DOCK1: variants seen among roughly 807,000 people sequenced by gnomAD.
The protein encoded by DOCK1 is dedicator of cytokinesis 1, also known as dedicator of cytokinesis protein 1.
In DOCK1, 138 loss-of-function variants were observed where a neutral mutation model predicts 262.7. That is an observed-to-expected ratio of 0.53 (90% CI 0.46 to 0.61). DOCK1 has a LOEUF of 0.61. DOCK1 is among the 20% of genes least tolerant of loss of function. The pLI, the probability that DOCK1 is intolerant of heterozygous loss-of-function variation, is 0.00. For missense variants in DOCK1, 1,908 were observed against 2,370.7 expected (o/e 0.80, Z 4.05); for synonymous variants, 866 against 867.4 (o/e 1.00, Z 0.03).
intron 27 of DOCK1, among the ~76,000 whole-genome samples, chr10:127,157,127 A>C (rs2053161593): frequency 6.6e-6 from 1 of 152,184 alleles, no homozygotes; most frequent in African/African-American, 2.4e-5. Flanking sequence ...GATACTGCTG[A>C]GTGTTAAGGA....
chr10:127,191,785 G>A (rs2056774604), intron 27 of DOCK1, among the ~76,000 whole-genome samples: 1 of 152,184 alleles, frequency 6.6e-6, no homozygotes, highest in South Asian at 2.1e-4. Context: ...CCATCAGCCT[G>A]TGCTTTTTCC....
intron 31 of DOCK1, among the ~76,000 whole-genome samples, chr10:127,354,334 A>G (rs528400552): frequency 3.3e-5 from 5 of 152,306 alleles, no homozygotes; most frequent in African/African-American, 1.2e-4. Flanking sequence ...TGCAGTGCCT[A>G]GACGCTAACG....
At chr10:127,110,849 G>A (rs2048823383) in intron 25 of DOCK1, among the ~76,000 whole-genome samples, 1 of 152,142 alleles carries the variant, frequency 6.6e-6, no homozygotes, top group Admixed American at 6.5e-5. Flanking sequence ...ATTTCCCTAT[G>A]TTATCTCCCT....
At chr10:126,936,492 G>C (rs1254500725) in intron 1 of DOCK1, among the ~76,000 whole-genome samples, 3 of 152,110 alleles carry the variant, frequency 2.0e-5, no homozygotes, top group Non-Finnish European at 4.4e-5. Flanking sequence ...TGCATGTCAT[G>C]AAACATTCTT....
At chr10:127,022,689 C>T (rs1406177784) in intron 13 of DOCK1, among the ~76,000 whole-genome samples, 2 of 152,310 alleles carry the variant, frequency 1.3e-5, no homozygotes, top group Non-Finnish European at 2.9e-5. Context: ...AGCCACCTCG[C>T]CTGGCCGGTC....
At chr10:127,313,738 G>A (rs1182796913) in intron 29 of DOCK1, among the ~76,000 whole-genome samples, 1 of 152,060 alleles carries the variant, frequency 6.6e-6, no homozygotes, top group Non-Finnish European at 1.5e-5. Context: ...TCCCTTTGGA[G>A]GTGCTTTCAG....
At position 127,251,777 on chromosome 10, in the gene DOCK1, A is replaced by G. The variant is rs1441797008; in HGVS notation, c.2949+3668A>G. On this transcript the variant is annotated intron_variant, in intron 28 of 51. Coordinates refer to ENST00000623213, the MANE Select transcript of DOCK1 (RefSeq NM_001290223.2). ...GTGCCACATTTTCTTAATCCAGTCT[A>G]TCATTGTTGGGCATTTGGGTTGGTT... Among the ~76,000 whole-genome samples, 6 of 147,728 alleles carry G rather than the reference A, an allele frequency of 4.1e-5. No individual in the cohort carries two copies. In the South Asian group the frequency reaches 9.2e-4, roughly 23 times the overall value.
intron 30 of DOCK1, among the ~76,000 whole-genome samples, chr10:127,342,918 T>G (rs192426585): frequency 2.7e-4 from 41 of 152,274 alleles, no homozygotes; most frequent in African/African-American, 9.6e-4. Flanking sequence ...TCTATACTAT[T>G]CTTAAGTGAG....
Position 127,175,393 on chromosome 10 carries a change from G to C in DOCK1, c.2847+47629G>C. The C allele has an allele frequency of 1.2e-6, 2 of 1,613,754 alleles. No homozygotes were observed. The highest frequency in any genetic ancestry group is 1.7e-6 in the Non-Finnish European group (2 of 1,180,044). ...CCTGCAGCAACCGCTGTGGGACTAG[G>C]CTGGTTCCCCAGCCCCGGCGGGGTG... On this transcript the variant is annotated intron_variant, in intron 27 of 51. Transcript: ENST00000623213. The surrounding 1 kb of genome is among the most constrained non-coding windows in gnomAD (Gnocchi z 6.3).
At chr10:126,928,716 T>G (rs1273355614) in intron 1 of DOCK1, among the ~76,000 whole-genome samples, 1 of 152,242 alleles carries the variant, frequency 6.6e-6, no homozygotes, top group Non-Finnish European at 1.5e-5. Flanking sequence ...CTCAGCCATG[T>G]GAGGATGGAG....
chr10:127,345,420 A>G (rs2063587119), intron 31 of DOCK1, among the ~76,000 whole-genome samples: 1 of 152,190 alleles, frequency 6.6e-6, no homozygotes, highest in African/African-American at 2.4e-5. Flanking sequence ...ATTCTAATCT[A>G]GGCGATTCAG....
Position 127,173,750 on chromosome 10 carries a change from G to A in DOCK1, c.2847+45986G>A, listed in dbSNP as rs573180225. 5.3e-5 allele frequency among the ~76,000 whole-genome samples: 8 copies of A among 152,232 alleles called. No individual in the cohort carries two copies. In the South Asian group the frequency reaches 1.5e-3, roughly 28 times the overall value. On this transcript the variant is annotated intron_variant, in intron 27 of 51. Coordinates refer to ENST00000623213, the MANE Select transcript of DOCK1 (RefSeq NM_001290223.2). Reference sequence around the variant, plus strand: ...AAATCACTGGTCTCCCCCACCCCACGCCTGATGAGTGTTGCTTTTGGATCT... The same window carrying A: ...AAATCACTGGTCTCCCCCACCCCACACCTGATGAGTGTTGCTTTTGGATCT...
At chr10:127,254,817 G>T (rs1312035559) in intron 28 of DOCK1, among the ~76,000 whole-genome samples, 4 of 152,184 alleles carry the variant, frequency 2.6e-5, no homozygotes, top group Non-Finnish European at 5.9e-5. Context: ...GGAAGCCATT[G>T]GGGAAATGGG....
chr10:127,017,075 A>AACACAC (rs138759607), intron 12 of DOCK1, among the ~76,000 whole-genome samples: 2 of 104,756 alleles, frequency 1.9e-5, no homozygotes, highest in Admixed American at 9.6e-5. Flanking sequence ...AGACACCATA[A>AACACAC]ACACAGATAC....
chr10:127,329,483 G>A (rs1002403509), intron 29 of DOCK1, among the ~76,000 whole-genome samples: 3 of 150,766 alleles, frequency 2.0e-5, no homozygotes, highest in Non-Finnish European at 1.5e-5. Context: ...TGGGGTGCTG[G>A]GGCAGAGGTC....
At chr10:126,973,219 C>G (rs1024093274) in intron 2 of DOCK1, among the ~76,000 whole-genome samples, 2 of 139,324 alleles carry the variant, frequency 1.4e-5, no homozygotes, top group African/African-American at 5.5e-5. Flanking sequence ...AAGAGGAATG[C>G]GTGTGTGGTG....
intron 48 of DOCK1, among the ~76,000 whole-genome samples, chr10:127,434,034 C>T (rs573049060): frequency 5.3e-5 from 8 of 152,104 alleles, no homozygotes; most frequent in Admixed American, 5.2e-4. Flanking sequence ...GTGTTGTGCC[C>T]GGACAGGAGC....
At chr10:127,289,726 T>G (rs529112641) in intron 29 of DOCK1, among the ~76,000 whole-genome samples, 2 of 152,172 alleles carry the variant, frequency 1.3e-5, no homozygotes, top group Non-Finnish European at 2.9e-5. Context: ...GTTTCTATAC[T>G]GCTTAGAGTT....
intron 30 of DOCK1, among the ~76,000 whole-genome samples, chr10:127,339,490 C>T (rs191787138): frequency 6.6e-6 from 1 of 152,268 alleles, no homozygotes; most frequent in Admixed American, 6.5e-5. Flanking sequence ...TGTGTTCCCT[C>T]CATATCCTCT....
Sources: allele counts gnomAD v4.1 joint callset (sites outside exome capture counted in the v4.1 genomes callset), GRCh38; gene constraint gnomAD v4.1.1; non-coding constraint Gnocchi (gnomAD v3.1); transcripts MANE v1.5; gene names NCBI Gene and HGNC (gene_info 2026-07-23, HGNC 2026-07-21).